Variants in SERF2 observed in about 807,000 individuals in gnomAD.
The protein encoded by SERF2 is small EDRK-rich factor 2.
A neutral mutation model predicts 10.7 loss-of-function variants in SERF2; 4 were observed. The ratio of observed to expected loss-of-function variants is 0.37; its 90% CI spans 0.18 to 0.86. The LOEUF is 0.86. Among genes scored for constraint, SERF2 ranks in the 40% least tolerant of loss-of-function variants. SERF2 has a pLI of 0.43. For missense variants in SERF2, 47 were observed against 79.1 expected (o/e 0.59, Z 1.54); for synonymous variants, 26 against 26.0 (o/e 1.00, Z 0.01).
intron 1 of SERF2, among the ~76,000 whole-genome samples, chr15:43,779,896 T>C (rs1371847288): frequency 6.6e-6 from 1 of 152,214 alleles, no homozygotes; most frequent in African/African-American, 2.4e-5. Context: ...ACTGCAATGT[T>C]ATTACTAATA....
At chr15:43,786,165 C>T (rs1240754114) in intron 2 of SERF2, among the ~76,000 whole-genome samples, 1 of 151,928 alleles carries the variant, frequency 6.6e-6, no homozygotes, top group African/African-American at 2.4e-5. Flanking sequence ...CCTGTAATCC[C>T]AGCACTTTGG....
upstream of SERF2, among the ~76,000 whole-genome samples, chr15:43,789,277 C>CA (rs1009114374): frequency 6.6e-5 from 10 of 152,262 alleles, no homozygotes; most frequent in East Asian, 3.9e-4. Flanking sequence ...GACCTAGTTT[C>CA]ACACCACCCT....
At chr15:43,779,279 GA>G (rs2141665947) in intron 1 of SERF2, among the ~76,000 whole-genome samples, 1 of 152,228 alleles carries the variant, frequency 6.6e-6, no homozygotes, top group South Asian at 2.1e-4. Flanking sequence ...AACTGAGAGA[GA>G]GAATGAGGGA....
At chr15:43,780,912 T>C (rs1049602709) in intron 1 of SERF2, among the ~76,000 whole-genome samples, 74 of 152,242 alleles carry the variant, frequency 4.9e-4, no homozygotes, top group African/African-American at 1.8e-3. Flanking sequence ...GGGAGATTTG[T>C]TCTTACCTTA....
chr15:43,787,873 GT>G (rs76113372), upstream of SERF2, among the ~76,000 whole-genome samples: 15,034 of 118,104 alleles, frequency 0.13, 641 homozygotes, highest in East Asian at 0.23. Flanking sequence ...TAGATTTTTA[GT>G]TTTTTTTTTT....
chr15:43,792,699 C>A, intron 1 of SERF2: 2 of 1,124,656 alleles, frequency 1.8e-6, no homozygotes, highest in Non-Finnish European at 2.4e-6. Context: ...AAACCGTCCA[C>A]ACACACCTTG....
Position 43,793,968 on chromosome 15 carries a change from G to A in SERF2, c.*195G>A. The A allele has an allele frequency of 6.5e-7, 1 of 1,536,926 alleles. No homozygotes were observed. Among genetic ancestry groups the A allele is most frequent in the Non-Finnish European group, 8.8e-7 (1 of 1,140,978 alleles). On this transcript the variant is annotated 3_prime_UTR_variant, in exon 3 of 3. Transcript: ENST00000249786. ...TCTCTCCCCCTGGGCCACTCCCGGG[G>A]GTGAGGGGGTTACCCCTTCCCAGTG...
upstream of SERF2, among the ~76,000 whole-genome samples, chr15:43,787,877 T>A (rs955080699): frequency 2.7e-5 from 4 of 148,850 alleles, no homozygotes; most frequent in African/African-American, 9.9e-5. Context: ...TTTTTAGTTT[T>A]TTTTTTTTTT....
chr15:43,784,061 G>T (rs1358743028), intron 1 of SERF2, among the ~76,000 whole-genome samples: 3 of 149,204 alleles, frequency 2.0e-5, no homozygotes, highest in Non-Finnish European at 3.0e-5. Flanking sequence ...GGGATTACAG[G>T]TATCAGCCAC....
chr15:43,778,894 C>T (rs892440757), intron 1 of SERF2, among the ~76,000 whole-genome samples: 2 of 152,098 alleles, frequency 1.3e-5, no homozygotes, highest in African/African-American at 4.8e-5. Context: ...AGTGAGACTC[C>T]ATCTCAAAAA....
chr15:43,790,309 C>A (rs1330880888), upstream of SERF2, among the ~76,000 whole-genome samples: 1 of 150,480 alleles, frequency 6.6e-6, no homozygotes, highest in Non-Finnish European at 1.5e-5. Context: ...AAGACTGTCT[C>A]AAAAAAAACC....
intron 1 of SERF2, chr15:43,792,596 C>A: frequency 6.9e-7 from 1 of 1,443,990 alleles, no homozygotes; most frequent in Non-Finnish European, 9.1e-7. Context: ...ATAGGCCCTC[C>A]CGGATCTTCC....
At position 43,795,726 on chromosome 15, in the gene SERF2, A is replaced by C; in HGVS notation, c.*1953A>C. The C allele has an allele frequency of 6.2e-7, 1 of 1,613,958 alleles. No individual in the cohort carries two copies. Among genetic ancestry groups the C allele is most frequent in the Non-Finnish European group, 8.5e-7 (1 of 1,179,912 alleles). On this transcript the variant is annotated 3_prime_UTR_variant, in exon 3 of 3. Transcript: ENST00000249786. Reference sequence around the variant, plus strand: ...CACTGTTTCAGGGCAGCAGAAACACAGTGAGGGCTTCTGCAAAACAGAACG... The same window carrying C: ...CACTGTTTCAGGGCAGCAGAAACACCGTGAGGGCTTCTGCAAAACAGAACG...
At chr15:43,791,915 G>A (rs2087066839), upstream of SERF2, 1 of 202,556 alleles carries the variant, frequency 4.9e-6, no homozygotes, top group Non-Finnish European at 1.1e-5. Context: ...TTTAGTAGTA[G>A]AGTACTCGTA....
At position 43,783,378 on chromosome 15, in the gene SERF2, A is replaced by G. The variant is rs1045992670; in HGVS notation, c.-526-2032A>G. ...AGTGGCATGATCTCGGCTCACTGCA[A>G]CCTCTGCCTTCTGGGTTCAAGCAAT... is the stretch of plus-strand genomic sequence containing the variant. On this transcript the variant is annotated intron_variant, in intron 1 of 4. Coordinates refer to the SERF2 transcript ENST00000381359. Among the ~76,000 whole-genome samples the G allele has an allele frequency of 1.0e-3, 148 of 146,302 alleles. 1 individual carries two copies. Among genetic ancestry groups the G allele is most frequent in the Non-Finnish European group, 1.5e-5 (1 of 66,530 alleles).
chr15:43,795,976 G>T lies in SERF2; in HGVS notation c.*2203G>T. 1 of 648,804 alleles carries T rather than the reference G, an allele frequency of 1.5e-6. No individual in the cohort carries two copies. The highest frequency in any genetic ancestry group is 2.7e-6 in the Non-Finnish European group (1 of 366,726). The allele number at this position is 648,804 out of a possible 1,614,324, so 40.2% of individuals were successfully genotyped here. Reference sequence around the variant, plus strand: ...CCTACCTCACAGGGTTGTTGTGAGGGTTAAATTAAATGAGATTATGTAAAA... The same window carrying T: ...CCTACCTCACAGGGTTGTTGTGAGGTTTAAATTAAATGAGATTATGTAAAA... On this transcript the variant is annotated 3_prime_UTR_variant, in exon 3 of 3. Transcript: ENST00000249786.
Position 43,795,608 on chromosome 15 carries a change from C to A in SERF2, c.*1835C>A. On this transcript the variant is annotated 3_prime_UTR_variant, in exon 3 of 3. Transcript: ENST00000249786. Reference sequence around the variant, plus strand: ...CACCTCTTCCCCTCTCCCCCAACTACCTTTGTTAAGGCTCTTGAGGGTTCT... The same window carrying A: ...CACCTCTTCCCCTCTCCCCCAACTAACTTTGTTAAGGCTCTTGAGGGTTCT... The A allele has an allele frequency of 6.2e-7, 1 of 1,611,772 alleles. No homozygotes were observed. Among genetic ancestry groups the A allele is most frequent in the Non-Finnish European group, 8.5e-7 (1 of 1,178,104 alleles).
At chr15:43,792,010 T>C, upstream of SERF2, 1 of 399,294 alleles carries the variant, frequency 2.5e-6, no homozygotes, top group South Asian at 2.8e-5. Flanking sequence ...TGTCCCCGCA[T>C]GAGGTCACTC....
In SERF2 at chr15:43,793,019, C is replaced by G; in HGVS notation, c.52C>G (p.Gln18Glu). ...CGCCCGCCAGAAGAATATGAAAAAG[C>G]AGAGCGACTCGGTTAAGGGAAAGCG... Reference protein sequence around the residue: ...ELARQKNMKKQSDSVKGKRRD... With the variant: ...ELARQKNMKKESDSVKGKRRD... The change falls in exon 2 of 3, where the codon CAG becomes GAG. Residue 18 changes from glutamine to glutamate, a missense_variant. By Grantham distance (29) the Gln-to-Glu change is conservative. Coordinates refer to ENST00000249786, the MANE Select transcript of SERF2 (RefSeq NM_001018108.4). The G allele has an allele frequency of 1.2e-6, 2 of 1,612,844 alleles. No homozygotes were observed. Among genetic ancestry groups the G allele is most frequent in the Non-Finnish European group, 1.7e-6 (2 of 1,179,006 alleles).
Sources: allele counts gnomAD v4.1 joint callset (sites outside exome capture counted in the v4.1 genomes callset), GRCh38; gene constraint gnomAD v4.1.1; transcripts MANE v1.5; gene names NCBI Gene and HGNC (gene_info 2026-07-23, HGNC 2026-07-21).